The following TPM3 variants were observed in gnomAD, a reference collection of about 807,000 sequenced individuals.
TPM3 encodes tropomyosin 3.
In TPM3, 16 loss-of-function variants were observed where a neutral mutation model predicts 43.1. The observed-to-expected ratio is 0.37, with a 90% confidence interval of 0.25 to 0.56. The LOEUF (loss-of-function observed/expected upper bound fraction) is 0.56, where lower values mean the gene tolerates loss of function less well. TPM3 is among the 20% of genes least tolerant of loss of function. The probability of loss-of-function intolerance (pLI) is 0.77; values close to 1 mark genes in which losing one functional copy is unlikely to be tolerated. For synonymous variants in TPM3, 101 were observed against 116.9 expected, an observed-to-expected ratio of 0.86 and a Z score of 0.88; for missense variants, 176 against 337.2, an observed-to-expected ratio of 0.52 and a Z score of 3.74.
At chr1:154,183,636 T>C (rs956418194) in intron 2 of TPM3, 5 of 185,456 alleles carry the variant, frequency 2.7e-5, no homozygotes, top group Admixed American at 1.1e-4. Flanking sequence ...AACCAAGTTA[T>C]AAGAAAAGTC....
chr1:154,170,762 C>T lies in TPM3; in HGVS notation c.643-51G>A, dbSNP rs748470771. 2.6e-6 allele frequency: 3 copies of T among 1,163,860 alleles called. No homozygotes were observed. The African/African-American group carries it at 4.5e-5, about 18-fold the overall frequency. The allele number at this position is 1,163,860 out of a possible 1,614,324, so 72.1% of individuals were successfully genotyped here. The stretch of plus-strand genomic sequence containing the variant: ...TCAGAGTAGAAATTAGTCACACAGG[C>T]AATACCCCCCTCCCTACATTTAACT... On this transcript the variant is annotated intron_variant, in intron 6 of 9. Transcript: ENST00000651641.
At chr1:154,183,321 G>A (rs1291424778) in intron 2 of TPM3, 5 of 1,470,956 alleles carry the variant, frequency 3.4e-6, no homozygotes, top group Non-Finnish European at 4.5e-6. Context: ...CCGCGGCAGG[G>A]AGTGGATCCT....
intron 2 of TPM3, among the ~76,000 whole-genome samples, chr1:154,181,847 G>A (rs1662983904): frequency 6.6e-6 from 1 of 152,126 alleles, no homozygotes; most frequent in Non-Finnish European, 1.5e-5. Flanking sequence ...CTTGAACCCG[G>A]GAGGCGGAGG....
chr1:154,186,229 T>C (rs1261929738), intron 2 of TPM3, among the ~76,000 whole-genome samples: 1 of 151,550 alleles, frequency 6.6e-6, no homozygotes, highest in Non-Finnish European at 1.5e-5. Flanking sequence ...GATCAAGATG[T>C]GGCAGAAGTG....
At chr1:154,177,086 T>C (rs1177174547) in intron 2 of TPM3, among the ~76,000 whole-genome samples, 8 of 151,834 alleles carry the variant, frequency 5.3e-5, no homozygotes, top group Non-Finnish European at 4.4e-5. Context: ...GAAGAATAAC[T>C]AGCCAAGGGA....
chr1:154,189,125 C>T (rs1300177814), intron 2 of TPM3, among the ~76,000 whole-genome samples: 1 of 83,158 alleles, frequency 1.2e-5, no homozygotes, highest in African/African-American at 4.8e-5. Flanking sequence ...GAACAAGACT[C>T]TGTCTCAAAA....
At chr1:154,189,668 C>T (rs1276780367) in intron 2 of TPM3, among the ~76,000 whole-genome samples, 1 of 151,776 alleles carries the variant, frequency 6.6e-6, no homozygotes, top group South Asian at 2.1e-4. Context: ...CATGGTGGCA[C>T]GTGCCTGTAA....
intron 2 of TPM3, among the ~76,000 whole-genome samples, chr1:154,184,243 TAGCC>T (rs1452141150): frequency 2.6e-5 from 4 of 152,016 alleles, no homozygotes; most frequent in Non-Finnish European, 5.9e-5. Context: ...TTCACCGTGT[TAGCC>T]AGGATGGTCT....
Position 154,164,302 on chromosome 1 carries a change from C to T in TPM3, c.*3635G>A, listed in dbSNP as rs1660721901. Among the ~76,000 whole-genome samples, 1 of 152,084 alleles carries T rather than the reference C, an allele frequency of 6.6e-6. No homozygotes were observed. Among genetic ancestry groups the T allele is most frequent in the African/African-American group, 2.4e-5 (1 of 41,404 alleles). ...TCGGCCCTCCAAGTAGATAGGACTG[C>T]AGGCACGCACCACCATGTTTGGCTA... On this transcript the variant is annotated 3_prime_UTR_variant, in exon 10 of 10. Coordinates refer to ENST00000651641, the MANE Select transcript of TPM3 (RefSeq NM_152263.4).
At chr1:154,161,469 CTT>C (rs1352375542), downstream of TPM3, among the ~76,000 whole-genome samples, 3 of 117,986 alleles carry the variant, frequency 2.5e-5, no homozygotes, top group East Asian at 5.2e-4. Context: ...GAGTTTCACT[CTT>C]GTTGCCCAGG....
downstream of TPM3, chr1:154,157,500 G>GA (rs1659928191): frequency 1.3e-6 from 1 of 757,274 alleles, no homozygotes; most frequent in African/African-American, 1.7e-5. Context: ...AAGACACAGG[G>GA]AAGGAGGGGG....
At chr1:154,189,415 G>T (rs928365196) in intron 2 of TPM3, among the ~76,000 whole-genome samples, 1 of 152,096 alleles carries the variant, frequency 6.6e-6, no homozygotes, top group African/African-American at 2.4e-5. Context: ...TTGAATCCAG[G>T]AGGCACAGCT....
chr1:154,165,491 G>C lies in TPM3; in HGVS notation c.*2446C>G, dbSNP rs993012477. 2.7e-5 allele frequency among the ~76,000 whole-genome samples: 4 copies of C among 150,894 alleles called. No homozygotes were observed. The highest frequency in any genetic ancestry group is 9.7e-5 in the African/African-American group (4 of 41,064). On this transcript the variant is annotated 3_prime_UTR_variant, in exon 10 of 10. Transcript: ENST00000651641. ...TTTGGAACCCAATAAAAATGAATAT[G>C]CAAGTTTAACATGTTGGCTGGGCGC...
At chr1:154,171,794 C>T (rs887651119) in intron 5 of TPM3, 2 of 634,018 alleles carry the variant, frequency 3.2e-6, no homozygotes, top group Non-Finnish European at 2.8e-6. Context: ...AAATGCCCAA[C>T]CCAAACAGTC....
chr1:154,172,506 C>T, intron 5 of TPM3: 1 of 498,446 alleles, frequency 2.0e-6, no homozygotes, highest in Non-Finnish European at 4.0e-6. Context: ...AACCTTCCTG[C>T]CTTGGCATAC....
At position 154,165,570 on chromosome 1, in the gene TPM3, C is replaced by G. The variant is rs1660851035; in HGVS notation, c.*2367G>C. 6.6e-6 allele frequency among the ~76,000 whole-genome samples: 1 copy of G among 151,860 alleles called. No homozygotes were observed. The highest frequency in any genetic ancestry group is 2.4e-5 in the African/African-American group (1 of 41,320). ...TTGGGAGGCTGAGGTGGGTGGATCA[C>G]TTGAGGTCAGGAGTTCCAGACCAGC... On this transcript the variant is annotated 3_prime_UTR_variant, in exon 10 of 10. Transcript: ENST00000651641.
chr1:154,178,860 T>C (rs897237520), intron 2 of TPM3, among the ~76,000 whole-genome samples: 2 of 152,166 alleles, frequency 1.3e-5, no homozygotes, highest in Non-Finnish European at 2.9e-5. Context: ...GAAGCAAAGA[T>C]CCTGGGTGAG....
chr1:154,185,045 C>A (rs1663344483), intron 2 of TPM3, among the ~76,000 whole-genome samples: 1 of 152,114 alleles, frequency 6.6e-6, no homozygotes, highest in Non-Finnish European at 1.5e-5. Context: ...CACTGTACTT[C>A]CAAGTACCCC....
intron 6 of TPM3, chr1:154,171,167 C>G: frequency 1.7e-6 from 1 of 602,048 alleles, no homozygotes; most frequent in South Asian, 2.0e-5. Context: ...TATTGCTTTT[C>G]AGCACAGCAG....
Sources: gnomAD v4.1 joint callset for allele counts (sites outside exome capture counted in the v4.1 genomes callset) on GRCh38, gnomAD v4.1.1 for gene constraint, MANE v1.5 for transcripts, NCBI Gene and HGNC (gene_info 2026-07-23, HGNC 2026-07-21) for gene names.